The following FCHSD2 variants were observed in gnomAD, a reference collection of about 807,000 sequenced individuals.
FCHSD2 encodes the protein FCH and double SH3 domains 2.
FCHSD2 carries 38 observed loss-of-function variants against 108.1 expected under a neutral mutation model. The observed-to-expected ratio is 0.35, with a 90% confidence interval of 0.27 to 0.46. FCHSD2 has a LOEUF of 0.46. Ranked by LOEUF, FCHSD2 falls within the 20% of genes least tolerant of loss-of-function variation. FCHSD2 has a pLI of 1.00. For synonymous variants in FCHSD2, 279 were observed against 314.7 expected (o/e 0.89, Z 1.20); for missense variants, 751 against 897.8 (o/e 0.84, Z 2.09).
intron 3 of FCHSD2, among the ~76,000 whole-genome samples, chr11:73,082,108 T>TG (rs1859702087): frequency 6.6e-6 from 1 of 151,548 alleles, no homozygotes; most frequent in Non-Finnish European, 1.5e-5. Flanking sequence ...GAGGCCGAGG[T>TG]AGGCGGATCA....
At chr11:72,883,019 A>G (rs1855121100) in intron 12 of FCHSD2, among the ~76,000 whole-genome samples, 1 of 152,234 alleles carries the variant, frequency 6.6e-6, no homozygotes. Context: ...ACATATGATT[A>G]GTTGTTTTCA....
Position 72,840,775 on chromosome 11 carries a change from GCATAGTCAGTAACAA to G in FCHSD2, c.2139+87_2139+101del. 6 of 809,272 alleles carry G rather than the reference GCATAGTCAGTAACAA, an allele frequency of 7.4e-6. 1 individual carries two copies. The highest frequency in any genetic ancestry group is 1.2e-5 in the Non-Finnish European group (6 of 484,120). 50.1% of individuals were successfully genotyped at this position (809,272 alleles called of 1,614,324 possible). On this transcript the variant is annotated intron_variant, in intron 19 of 19. Transcript: ENST00000409418. The stretch of plus-strand genomic sequence containing the variant: ...CCCAAACCCAGTTCATCCTTGTTTG[GCATAGTCAGTAACAA>G]CACAGGGGCCACGGGGAAACATTAA...
At chr11:73,071,220 T>C (rs185025525) in intron 3 of FCHSD2, among the ~76,000 whole-genome samples, 39 of 152,320 alleles carry the variant, frequency 2.6e-4, no homozygotes, top group Non-Finnish European at 4.7e-4. Context: ...AGTTTTGCAC[T>C]TCAGAGTTAC....
At chr11:72,889,318 A>G (rs1855265613) in intron 11 of FCHSD2, among the ~76,000 whole-genome samples, 1 of 152,158 alleles carries the variant, frequency 6.6e-6, no homozygotes, top group Non-Finnish European at 1.5e-5. Flanking sequence ...TTAATTCAAC[A>G]TATGTCTCTT....
intron 9 of FCHSD2, among the ~76,000 whole-genome samples, chr11:72,916,991 T>C (rs1855887955): frequency 2.9e-5 from 1 of 34,732 alleles, no homozygotes; most frequent in African/African-American, 1.0e-4. Context: ...TTTTTTTTTT[T>C]TTTTTTTTTT....
chr11:73,092,440 C>T (rs1026709869), intron 2 of FCHSD2, among the ~76,000 whole-genome samples: 3 of 151,908 alleles, frequency 2.0e-5, no homozygotes, highest in Non-Finnish European at 2.9e-5. Flanking sequence ...ATACCTGGCC[C>T]GGCATCTTCT....
chr11:72,850,125 G>A (rs1403744986), intron 13 of FCHSD2, among the ~76,000 whole-genome samples: 2 of 141,978 alleles, frequency 1.4e-5, no homozygotes, highest in African/African-American at 2.6e-5. Flanking sequence ...CTGCAATGGC[G>A]TGATCTTGGC....
chr11:72,919,982 G>A (rs1195451728), intron 9 of FCHSD2, among the ~76,000 whole-genome samples: 1 of 151,928 alleles, frequency 6.6e-6, no homozygotes, highest in Non-Finnish European at 1.5e-5. Flanking sequence ...ATCACAGAAT[G>A]CAGTTCAAGC....
chr11:72,920,023 A>T (rs1591398927), intron 9 of FCHSD2, among the ~76,000 whole-genome samples: 1 of 152,220 alleles, frequency 6.6e-6, no homozygotes, highest in East Asian at 1.9e-4. Flanking sequence ...GCTTTAAACA[A>T]ATTTACTTAA....
At chr11:72,950,858 T>C (rs554565870) in intron 8 of FCHSD2, among the ~76,000 whole-genome samples, 1 of 152,332 alleles carries the variant, frequency 6.6e-6, no homozygotes, top group African/African-American at 2.4e-5. Context: ...GCACATGCTG[T>C]GGGACTACAC....
At chr11:72,948,727 A>T (rs569522789) in intron 8 of FCHSD2, among the ~76,000 whole-genome samples, 1 of 150,808 alleles carries the variant, frequency 6.6e-6, no homozygotes. Context: ...GTGCAGTGGC[A>T]CAATCTCGGC....
At chr11:72,934,065 C>T (rs1191359377) in intron 8 of FCHSD2, among the ~76,000 whole-genome samples, 1 of 134,862 alleles carries the variant, frequency 7.4e-6, no homozygotes, top group South Asian at 2.6e-4. Context: ...GCCATGATCG[C>T]GCCACTACAC....
chr11:72,888,693 A>G lies in FCHSD2; in HGVS notation c.1042-1119T>C, dbSNP rs191420783. On this transcript the variant is annotated intron_variant, in intron 11 of 19. Coordinates refer to ENST00000409418, the MANE Select transcript of FCHSD2 (RefSeq NM_014824.3). ...GAGTTCAGAGGCATGATCTTACCTC[A>G]ATGTAACCTCCACCTCCCGGGCTCA... 4.0e-5 allele frequency among the ~76,000 whole-genome samples: 6 copies of G among 150,850 alleles called. No individual in the cohort carries two copies. The East Asian group carries it at 1.2e-3, about 29-fold the overall frequency.
At chr11:73,059,584 A>G (rs1274151425) in intron 3 of FCHSD2, among the ~76,000 whole-genome samples, 3 of 152,202 alleles carry the variant, frequency 2.0e-5, no homozygotes, top group Admixed American at 6.5e-5. Flanking sequence ...AATACTTCTA[A>G]TCTTCTTTCC....
chr11:72,915,518 T>C (rs1250548740), intron 9 of FCHSD2, among the ~76,000 whole-genome samples: 1 of 152,098 alleles, frequency 6.6e-6, no homozygotes, highest in African/African-American at 2.4e-5. Flanking sequence ...AATGATAGAC[T>C]GGATATAGAA....
rs569311623 is a variant in FCHSD2 at position 72,903,465 on chromosome 11, G to A, written c.829-827C>T. On this transcript the variant is annotated intron_variant, in intron 9 of 19. Transcript: ENST00000409418. Reference sequence around the variant, plus strand: ...CGATCTCCTGACCTCGTGATCCACCGGCCTCGGCCTCCTAAAGTGCTGGGA... The same window carrying A: ...CGATCTCCTGACCTCGTGATCCACCAGCCTCGGCCTCCTAAAGTGCTGGGA... Among the ~76,000 whole-genome samples the A allele has an allele frequency of 1.1e-4, 17 of 151,582 alleles. No individual in the cohort carries two copies. The East Asian group carries it at 2.7e-3, about 24-fold the overall frequency.
chr11:73,139,129 C>A (rs975696024), intron 2 of FCHSD2, among the ~76,000 whole-genome samples: 9 of 152,160 alleles, frequency 5.9e-5, no homozygotes, highest in African/African-American at 2.2e-4. Context: ...AAAGGAAATT[C>A]TTGAAACTAA....
intron 2 of FCHSD2, among the ~76,000 whole-genome samples, chr11:73,123,433 T>C (rs1037162671): frequency 6.6e-6 from 1 of 152,214 alleles, no homozygotes; most frequent in Non-Finnish European, 1.5e-5. Flanking sequence ...ATGAGAATCA[T>C]ATGCTATGGC....
At chr11:73,077,318 G>C (rs1161603536) in intron 3 of FCHSD2, among the ~76,000 whole-genome samples, 1 of 151,828 alleles carries the variant, frequency 6.6e-6, no homozygotes, top group African/African-American at 2.4e-5. Context: ...ATGATGCTTA[G>C]CATCATTAGA....
Sources: allele counts gnomAD v4.1 joint callset (sites outside exome capture counted in the v4.1 genomes callset), GRCh38; gene constraint gnomAD v4.1.1; transcripts MANE v1.5; gene names NCBI Gene and HGNC (gene_info 2026-07-23, HGNC 2026-07-21).